The following CDH7 variants were observed in gnomAD, a reference collection of about 807,000 sequenced individuals.
CDH7 encodes cadherin-7.
In CDH7, 25 loss-of-function variants were observed where a neutral mutation model predicts 71.8. The observed-to-expected ratio is 0.35, with a 90% CI of 0.25 to 0.49. The LOEUF is 0.49. Among genes scored for constraint, CDH7 ranks in the 20% least tolerant of loss-of-function variants. The pLI is 0.99. For synonymous variants in CDH7, 381 were observed against 363.8 expected (o/e 1.05, Z -0.54); for missense variants, 862 against 974.6 (o/e 0.88, Z 1.54).
rs1426091617 is a variant in CDH7 at position 65,884,666 on chromosome 18, TGTTAG to T, written c.*3773_*3777del. 1.1e-4 allele frequency: 1 copy of T among 9,082 alleles called. No individual in the cohort carries two copies. The highest frequency in any genetic ancestry group is 2.4e-4 in the Non-Finnish European group (1 of 4,150). The allele number at this position is 9,082 out of a possible 1,614,324, so 0.6% of individuals were successfully genotyped here. ...CAAGAAATGCAAATGCAAATAGTGTTGTTAGCATTTATATTGAAATATAAAATCTA... is the reference window on the plus strand; with the variant it reads ...CAAGAAATGCAAATGCAAATAGTGTTCATTTATATTGAAATATAAAATCTA... On this transcript the variant is annotated 3_prime_UTR_variant, in exon 12 of 12. Coordinates refer to ENST00000397968, the MANE Select transcript of CDH7 (RefSeq NM_004361.5).
rs900274831 is a variant in CDH7 at position 65,800,180 on chromosome 18, A to G, written c.211-9524A>G. Among the ~76,000 whole-genome samples, 4 of 152,230 alleles carry G rather than the reference A, an allele frequency of 2.6e-5. 1 individual carries two copies. The South Asian group carries it at 6.2e-4, about 24-fold the overall frequency. On this transcript the variant is annotated intron_variant, in intron 2 of 11. Transcript: ENST00000397968. The stretch of plus-strand genomic sequence containing the variant: ...CTGCAACCTCCATCTCCCAGGTTCA[A>G]GTGATTCTCCTGCCTCAGCCTCCCG...
chr18:65,852,623 A>G (rs8091431), intron 7 of CDH7, among the ~76,000 whole-genome samples: 147,052 of 152,186 alleles, frequency 0.97, 71,226 homozygotes, highest in East Asian at 1. Context: ...TTTCAATTAG[A>G]CTATAGGCTA....
intron 5 of CDH7, among the ~76,000 whole-genome samples, chr18:65,823,660 GTA>G (rs1912020062): frequency 6.6e-6 from 1 of 151,880 alleles, no homozygotes; most frequent in African/African-American, 2.4e-5. Context: ...AAAACAAACA[GTA>G]ACTATTCACA....
At chr18:65,785,060 G>C (rs759054401) in intron 2 of CDH7, among the ~76,000 whole-genome samples, 6 of 152,042 alleles carry the variant, frequency 3.9e-5, no homozygotes, top group Admixed American at 6.6e-5. Context: ...CTTTTGGATT[G>C]ATTTTTAGTT....
intron 6 of CDH7, among the ~76,000 whole-genome samples, chr18:65,829,466 T>TAAAAAA (rs35511160): frequency 6.9e-6 from 1 of 144,750 alleles, no homozygotes. Context: ...TAGGTAAAAT[T>TAAAAAA]AAAAAAAAAA....
At chr18:65,791,095 C>G (rs1477327409) in intron 2 of CDH7, among the ~76,000 whole-genome samples, 1 of 152,118 alleles carries the variant, frequency 6.6e-6, no homozygotes, top group Non-Finnish European at 1.5e-5. Flanking sequence ...GGCAACTTTC[C>G]TTTACATTTA....
At chr18:65,821,141 AAAC>A (rs200560143) in intron 4 of CDH7, among the ~76,000 whole-genome samples, 53 of 67,102 alleles carry the variant, frequency 7.9e-4, no homozygotes, top group African/African-American at 1.3e-3. Flanking sequence ...ACAAAAAAAA[AAAC>A]AAGAAAAGAA....
chr18:65,764,420 G>A (rs1296123663), intron 2 of CDH7, among the ~76,000 whole-genome samples: 1 of 151,858 alleles, frequency 6.6e-6, no homozygotes, highest in Non-Finnish European at 1.5e-5. Context: ...GGTGTTTTGT[G>A]TACTAATATA....
chr18:65,777,385 C>T lies in CDH7; in HGVS notation c.210+14333C>T, dbSNP rs533474512. 2.6e-4 allele frequency among the ~76,000 whole-genome samples: 39 copies of T among 152,052 alleles called. No homozygotes were observed. The South Asian group carries it at 6.9e-3, about 27-fold the overall frequency. On this transcript the variant is annotated intron_variant, in intron 2 of 11. Transcript: ENST00000397968. ...GTTTCTTGATAAAATGCATGTTAAA[C>T]GTACCAAAAGCTCCAGAGTCTCCAA... is the stretch of plus-strand genomic sequence containing the variant.
chr18:65,822,635 T>C (rs1911978026), intron 5 of CDH7, among the ~76,000 whole-genome samples: 4 of 152,058 alleles, frequency 2.6e-5, no homozygotes, highest in Admixed American at 2.0e-4. Context: ...ATTCATTCTA[T>C]GCACTAAAAT....
At chr18:65,825,486 T>C (rs2143944973) in intron 6 of CDH7, among the ~76,000 whole-genome samples, 1 of 151,998 alleles carries the variant, frequency 6.6e-6, no homozygotes, top group South Asian at 2.1e-4. Flanking sequence ...CTTTACTCTC[T>C]TTTCAATTTA....
At chr18:65,873,944 G>A (rs1182238165) in intron 11 of CDH7, among the ~76,000 whole-genome samples, 3 of 151,766 alleles carry the variant, frequency 2.0e-5, no homozygotes, top group Admixed American at 6.6e-5. Flanking sequence ...AAATTGTTGG[G>A]CTTGTTGATG....
chr18:65,806,524 G>A (rs138646519), intron 2 of CDH7, among the ~76,000 whole-genome samples: 98 of 152,120 alleles, frequency 6.4e-4, no homozygotes, highest in South Asian at 5.6e-3. Context: ...CTTTGGTTGC[G>A]TTTATTTTGT....
chr18:65,881,434 G>A lies in CDH7; in HGVS notation c.*540G>A, dbSNP rs1176550415. ...TTGATTAACAGAAATATTTTATTTAGGAATATATAAATTCCCAGAAATTCC... is the reference window on the plus strand; with the variant it reads ...TTGATTAACAGAAATATTTTATTTAAGAATATATAAATTCCCAGAAATTCC... On this transcript the variant is annotated 3_prime_UTR_variant, in exon 12 of 12. Transcript: ENST00000397968. 6.6e-6 allele frequency: 1 copy of A among 151,978 alleles called. No homozygotes were observed. Among genetic ancestry groups the A allele is most frequent in the South Asian group, 2.1e-4 (1 of 4,826 alleles). 9.4% of individuals were successfully genotyped at this position (151,978 alleles called of 1,614,324 possible). A position where few individuals can be genotyped will look rare whatever the true frequency, so the allele number is the denominator to read the frequency against.
In CDH7 at chr18:65,866,843, C is replaced by T. The variant is rs148609258; in HGVS notation, c.1864+3926C>T. Among the ~76,000 whole-genome samples, 58 of 151,658 alleles carry T rather than the reference C, an allele frequency of 3.8e-4. 1 individual carries two copies. The highest frequency in any genetic ancestry group is 6.2e-4 in the South Asian group (3 of 4,802). ...TGCTCTCTCTCTAATTTATTTACAC[C>T]TGAATTCTTTAAATGAAAAAAAAAT... is the stretch of plus-strand genomic sequence containing the variant. On this transcript the variant is annotated intron_variant, in intron 11 of 11. Transcript: ENST00000397968.
At chr18:65,782,872 T>C (rs896136300) in intron 2 of CDH7, among the ~76,000 whole-genome samples, 2 of 152,198 alleles carry the variant, frequency 1.3e-5, no homozygotes, top group Admixed American at 6.5e-5. Flanking sequence ...CTAGGAACAC[T>C]GGACAGCATT....
chr18:65,817,096 C>G (rs912596826), intron 4 of CDH7, among the ~76,000 whole-genome samples: 1 of 152,024 alleles, frequency 6.6e-6, no homozygotes, highest in Non-Finnish European at 1.5e-5. Context: ...AGTACAGGGT[C>G]GGAATGACGG....
chr18:65,783,162 A>C (rs9965676), intron 2 of CDH7, among the ~76,000 whole-genome samples: 37 of 152,228 alleles, frequency 2.4e-4, no homozygotes, highest in African/African-American at 8.9e-4. Context: ...CTACAATAAT[A>C]AATATCAACT....
In CDH7 at chr18:65,837,710, C is replaced by T. The variant is rs534346175; in HGVS notation, c.982-6102C>T. 2.6e-5 allele frequency among the ~76,000 whole-genome samples: 4 copies of T among 151,992 alleles called. No homozygotes were observed. The South Asian group carries it at 6.3e-4, about 24-fold the overall frequency. On this transcript the variant is annotated intron_variant, in intron 6 of 11. Transcript: ENST00000397968. ...TTAAATTTACTCAAGCTAAAAGAAA[C>T]ATAAGGCCTTCTTGGTCATAACCCA...
Sources: gnomAD v4.1 joint callset for allele counts (sites outside exome capture counted in the v4.1 genomes callset) on GRCh38, gnomAD v4.1.1 for gene constraint, MANE v1.5 for transcripts, NCBI Gene and HGNC (gene_info 2026-07-23, HGNC 2026-07-21) for gene names.